The following HSPBAP1 variants were observed in gnomAD, a reference collection of about 807,000 sequenced individuals.
HSPBAP1 encodes HSPB1-associated protein 1.
HSPBAP1 carries 27 observed loss-of-function variants against 45.2 expected under a neutral mutation model. The ratio of observed to expected loss-of-function variants is 0.60; its 90% CI spans 0.44 to 0.82. HSPBAP1 has a LOEUF of 0.82. Among genes scored for constraint, HSPBAP1 ranks in the 40% least tolerant of loss-of-function variants. HSPBAP1 has a pLI of 0.00. For synonymous variants in HSPBAP1, 204 were observed against 202.7 expected (o/e 1.01, Z -0.06); for missense variants, 510 against 590.9 (o/e 0.86, Z 1.42).
At chr3:122,775,978 T>G (rs1935181554) in intron 2 of HSPBAP1, among the ~76,000 whole-genome samples, 2 of 152,208 alleles carry the variant, frequency 1.3e-5, no homozygotes, top group African/African-American at 4.8e-5. Flanking sequence ...TGGATGAACC[T>G]TCAAAACATA....
intron 3 of HSPBAP1, among the ~76,000 whole-genome samples, chr3:122,766,373 T>C (rs1934781177): frequency 6.6e-6 from 1 of 152,218 alleles, no homozygotes; most frequent in Non-Finnish European, 1.5e-5. Flanking sequence ...GTAAGAAGAC[T>C]TGGTGCCCAG....
intron 3 of HSPBAP1, among the ~76,000 whole-genome samples, chr3:122,765,699 A>G (rs1325273912): frequency 6.6e-6 from 1 of 152,224 alleles, no homozygotes; most frequent in East Asian, 1.9e-4. Context: ...TGAATAATGA[A>G]ATGTATCAAG....
rs569475857 is a variant in HSPBAP1 at position 122,755,613 on chromosome 3, C to T, written c.570-182G>A. On this transcript the variant is annotated intron_variant, in intron 4 of 7. Transcript: ENST00000306103. ...AGCGCTAGAATCCCTCTGCAGATAC[C>T]GGGTGGAAGGTTGTGTAGCAACTAA... Among the ~76,000 whole-genome samples, 70 of 151,060 alleles carry T rather than the reference C, an allele frequency of 4.6e-4. 1 individual carries two copies. The highest frequency in any genetic ancestry group is 7.5e-4 in the Non-Finnish European group (51 of 67,770).
chr3:122,760,049 G>A (rs1039489914), intron 3 of HSPBAP1, among the ~76,000 whole-genome samples: 1 of 152,098 alleles, frequency 6.6e-6, no homozygotes, highest in South Asian at 2.1e-4. Context: ...ACTCCCCAAA[G>A]TCATGAACTT....
chr3:122,754,996 G>A, intron 5 of HSPBAP1: 6 of 1,137,642 alleles, frequency 5.3e-6, no homozygotes, highest in Non-Finnish European at 6.5e-6. Context: ...CTTGTAGACT[G>A]TCTTCCTCCA....
chr3:122,788,294 A>G (rs751665231), intron 1 of HSPBAP1, among the ~76,000 whole-genome samples: 7 of 152,232 alleles, frequency 4.6e-5, no homozygotes, highest in Non-Finnish European at 7.3e-5. Flanking sequence ...AAATCTGTCT[A>G]TATTTTAAGT....
At chr3:122,748,379 TA>T (rs747657975) in intron 6 of HSPBAP1, among the ~76,000 whole-genome samples, 248 of 124,166 alleles carry the variant, frequency 2.0e-3, no homozygotes, top group Admixed American at 1.8e-3. Context: ...AATGATCAAT[TA>T]AAAAAAAAAA....
chr3:122,747,949 G>A lies in HSPBAP1; in HGVS notation c.825+4642C>T, dbSNP rs909388983. Reference sequence around the variant, plus strand: ...TTTTGTGGAATAGAAAGGGGGGAACGGTGGGGAAAAGATTGAGAAATCGGA... The same window carrying A: ...TTTTGTGGAATAGAAAGGGGGGAACAGTGGGGAAAAGATTGAGAAATCGGA... On this transcript the variant is annotated intron_variant, in intron 6 of 7. Coordinates refer to ENST00000306103, the MANE Select transcript of HSPBAP1 (RefSeq NM_024610.6). 7.1e-4 allele frequency among the ~76,000 whole-genome samples: 108 copies of A among 152,344 alleles called. 1 individual carries two copies. Among genetic ancestry groups the A allele is most frequent in the African/African-American group, 2.6e-3 (107 of 41,580 alleles).
intron 5 of HSPBAP1, chr3:122,754,931 G>A (rs543641207): frequency 9.7e-7 from 1 of 1,028,024 alleles, no homozygotes; most frequent in African/African-American, 1.7e-5. Flanking sequence ...ATGTTCCAGA[G>A]ATGCTCGAGT....
Position 122,771,558 on chromosome 3 carries a change from A to G in HSPBAP1, c.251-2676T>C, listed in dbSNP as rs1370062425. Among the ~76,000 whole-genome samples, 9 of 152,312 alleles carry G rather than the reference A, an allele frequency of 5.9e-5. No homozygotes were observed. In the East Asian group the frequency reaches 1.5e-3, roughly 26 times the overall value. Reference sequence around the variant, plus strand: ...TTCTCCATTTTGTTAAACTTTCATCATTTTACAAATAAGAAATACTACATG... The same window carrying G: ...TTCTCCATTTTGTTAAACTTTCATCGTTTTACAAATAAGAAATACTACATG... On this transcript the variant is annotated intron_variant, in intron 2 of 7. Coordinates refer to ENST00000306103, the MANE Select transcript of HSPBAP1 (RefSeq NM_024610.6).
In HSPBAP1 at chr3:122,751,002, T is replaced by C. The variant is rs114902728; in HGVS notation, c.825+1589A>G. The stretch of plus-strand genomic sequence containing the variant: ...ATTCAACCTGCCTGACAGCAGATCA[T>C]GTGAAAAAAAATCACAGATATTTTA... On this transcript the variant is annotated intron_variant, in intron 6 of 7. Coordinates refer to ENST00000306103, the MANE Select transcript of HSPBAP1 (RefSeq NM_024610.6). Among the ~76,000 whole-genome samples the C allele has an allele frequency of 4.5e-3, 681 of 152,274 alleles. 9 individuals carry two copies. Among genetic ancestry groups the C allele is most frequent in the African/African-American group, 0.016 (656 of 41,544 alleles).
At chr3:122,790,078 G>T (rs1466180291) in intron 1 of HSPBAP1, among the ~76,000 whole-genome samples, 9 of 152,072 alleles carry the variant, frequency 5.9e-5, no homozygotes, top group Non-Finnish European at 1.3e-4. Flanking sequence ...GCCCAGGCTG[G>T]TCTCAAATTC....
intron 3 of HSPBAP1, among the ~76,000 whole-genome samples, chr3:122,766,529 C>T (rs1281762640): frequency 6.6e-6 from 1 of 152,220 alleles, no homozygotes; most frequent in Non-Finnish European, 1.5e-5. Context: ...CAGCACATTG[C>T]CAAAAGGCTG....
At chr3:122,754,494 G>A (rs987421770) in intron 5 of HSPBAP1, 1 of 967,082 alleles carries the variant, frequency 1.0e-6, no homozygotes. Context: ...GGAATGCAGA[G>A]TGACTAACAG....
chr3:122,752,733 A>G, intron 5 of HSPBAP1, 59 bp from the exon 6 acceptor site: 2 of 1,483,542 alleles, frequency 1.3e-6, no homozygotes, highest in Non-Finnish European at 1.8e-6. Flanking sequence ...TTTATGTCAG[A>G]ATCAGACCCT....
chr3:122,768,892 A>G lies in HSPBAP1; in HGVS notation c.251-10T>C. 1 of 1,551,850 alleles carries G rather than the reference A, an allele frequency of 6.4e-7. No homozygotes were observed. The stretch of plus-strand genomic sequence containing the variant: ...GTTTCAAACTGAGGAACTGCAATGT[A>G]AGAGAATGCAACCTTAAATGTATAA... On this transcript the variant is annotated splice_polypyrimidine_tract_variant and intron_variant, in intron 2 of 7. Transcript: ENST00000306103.
intron 1 of HSPBAP1, among the ~76,000 whole-genome samples, chr3:122,791,352 C>T (rs1935823757): frequency 6.6e-6 from 1 of 152,248 alleles, no homozygotes. Flanking sequence ...CTGACACCAA[C>T]TTCTTTCAGT....
intron 6 of HSPBAP1, among the ~76,000 whole-genome samples, chr3:122,751,738 C>T (rs1380690124): frequency 6.6e-6 from 1 of 152,190 alleles, no homozygotes; most frequent in East Asian, 1.9e-4. Context: ...GGCGAAATTT[C>T]TGTGACGCTA....
chr3:122,766,498 A>G (rs1934785829), intron 3 of HSPBAP1, among the ~76,000 whole-genome samples: 1 of 152,250 alleles, frequency 6.6e-6, no homozygotes, highest in Admixed American at 6.5e-5. Context: ...ATCAGATTTT[A>G]TAAGGGCTCA....
Sources: allele counts gnomAD v4.1 joint callset (sites outside exome capture counted in the v4.1 genomes callset), GRCh38; gene constraint gnomAD v4.1.1; transcripts MANE v1.5; gene names NCBI Gene and HGNC (gene_info 2026-07-23, HGNC 2026-07-21).